Variants in PRDM2 observed in about 807,000 individuals in gnomAD.
PRDM2 encodes PR/SET domain 2, also known as PR domain zinc finger protein 2.
Under a neutral mutation model 130.0 loss-of-function variants are expected in PRDM2, and 30 were observed. The ratio of observed to expected loss-of-function variants is 0.23; its 90% CI spans 0.17 to 0.31. The LOEUF (loss-of-function observed/expected upper bound fraction) is 0.31. Among genes scored for constraint, PRDM2 ranks in the 10% least tolerant of loss-of-function variants. PRDM2 has a pLI of 1.00. For synonymous variants in PRDM2, 871 were observed against 782.4 expected (o/e 1.11, Z -1.89); for missense variants, 2,011 against 2,108.4 (o/e 0.95, Z 0.90).
At chr1:13,755,718 T>TA (rs1643933811) in intron 6 of PRDM2, among the ~76,000 whole-genome samples, 1 of 152,196 alleles carries the variant, frequency 6.6e-6, no homozygotes, top group South Asian at 2.1e-4. Context: ...AGATAGCTGT[T>TA]ACGACATTCA....
Position 13,803,957 on chromosome 1 carries a change from C to A in PRDM2, c.5037-12470C>A, listed in dbSNP as rs1041809208. On this transcript the variant is annotated intron_variant, in intron 8 of 9. Coordinates refer to ENST00000311066, the MANE Select transcript of PRDM2 (RefSeq NM_001393986.1). The surrounding 1 kb of genome is among the most constrained non-coding windows in gnomAD (Gnocchi z 6.2). ...TCAGCAGTGGGCCCATGGCCTCCCTCAGGGCTGATGAGATGGAAGAAAAAT... is the reference window on the plus strand; with the variant it reads ...TCAGCAGTGGGCCCATGGCCTCCCTAAGGGCTGATGAGATGGAAGAAAAAT... Among the ~76,000 whole-genome samples the A allele has an allele frequency of 6.6e-6, 1 of 152,252 alleles. No individual in the cohort carries two copies. Among genetic ancestry groups the A allele is most frequent in the Admixed American group, 6.5e-5 (1 of 15,294 alleles).
In PRDM2 at chr1:13,825,025, C is replaced by G. The variant is rs1176727602; in HGVS notation, c.*1890C>G. The G allele has an allele frequency of 6.6e-6, 1 of 152,646 alleles. No homozygotes were observed. The highest frequency in any genetic ancestry group is 1.5e-5 in the Non-Finnish European group (1 of 68,052). The allele number at this position is 152,646 out of a possible 1,614,324, so 9.5% of individuals were successfully genotyped here. ...GGTCTTCAAGACGACAGCTCTGTAT[C>G]TGCCATGTGAAGAGAATTAACAATA... On this transcript the variant is annotated 3_prime_UTR_variant, in exon 10 of 10. Transcript: ENST00000311066. The surrounding 1 kb of genome is among the most constrained non-coding windows in gnomAD (Gnocchi z 4.9).
At chr1:13,777,527 A>C (rs1644502212) in intron 7 of PRDM2, among the ~76,000 whole-genome samples, 7 of 138,752 alleles carry the variant, frequency 5.0e-5, no homozygotes, top group Non-Finnish European at 9.4e-5. Context: ...CAGCTTCCCC[A>C]CCTCACCTCA....
chr1:13,763,048 T>G (rs1335288023), intron 6 of PRDM2, among the ~76,000 whole-genome samples: 1 of 152,228 alleles, frequency 6.6e-6, no homozygotes, highest in African/African-American at 2.4e-5. Flanking sequence ...CTTGTTTTTA[T>G]AAACCTCTGC....
intron 6 of PRDM2, among the ~76,000 whole-genome samples, chr1:13,758,457 A>AG (rs1242581936): frequency 6.6e-6 from 1 of 151,916 alleles, no homozygotes; most frequent in East Asian, 1.9e-4. Context: ...AAAAAAAAAA[A>AG]AAAAAAAAGT....
rs954293105 is a variant in PRDM2, at chr1:13,803,192, C to G, written c.5037-13235C>G. Reference sequence around the variant, plus strand: ...TCCCCTGGTTTGGGCGGGACCTTGGCAATGAGAGAAACCGTATAGGAAGCC... The same window carrying G: ...TCCCCTGGTTTGGGCGGGACCTTGGGAATGAGAGAAACCGTATAGGAAGCC... On this transcript the variant is annotated intron_variant, in intron 8 of 9. Transcript: ENST00000311066. This position sits in a 1 kb window ranked among gnomAD's most constrained non-coding sequence, Gnocchi z 6.2. 6.6e-6 allele frequency among the ~76,000 whole-genome samples: 1 copy of G among 152,182 alleles called. No individual in the cohort carries two copies. The highest frequency in any genetic ancestry group is 1.5e-5 in the Non-Finnish European group (1 of 68,040).
intron 1 of PRDM2, among the ~76,000 whole-genome samples, chr1:13,715,055 T>C (rs903244777): frequency 6.6e-5 from 10 of 152,230 alleles, no homozygotes; most frequent in African/African-American, 2.4e-4. Context: ...AGTTTTTTGT[T>C]CTTTTCCTCA....
intron 4 of PRDM2, among the ~76,000 whole-genome samples, 184 bp downstream of exon 4, chr1:13,733,066 A>G (rs1239768061): frequency 6.6e-6 from 1 of 152,174 alleles, no homozygotes; most frequent in East Asian, 1.9e-4. Context: ...ATGCTTTTGT[A>G]TTTTGAAACT....
At position 13,707,785 on chromosome 1, in the gene PRDM2, A is replaced by T. The variant is rs146517755; in HGVS notation, c.-66+7485A>T. Among the ~76,000 whole-genome samples the T allele has an allele frequency of 6.5e-4, 99 of 151,172 alleles. 1 individual carries two copies. Among genetic ancestry groups the T allele is most frequent in the African/African-American group, 2.2e-3 (90 of 41,240 alleles). ...TTTAATTCAAGAGTCCTTTGATTGG[A>T]TGGAGTTACTTCATGCAGGAAAATT... On this transcript the variant is annotated intron_variant, in intron 1 of 9. Coordinates refer to ENST00000311066, the MANE Select transcript of PRDM2 (RefSeq NM_001393986.1).
intron 5 of PRDM2, 25 bp downstream of exon 5, chr1:13,742,182 TGTTA>T: frequency 1.2e-6 from 2 of 1,602,132 alleles, no homozygotes; most frequent in Non-Finnish European, 1.7e-6. Context: ...ATTAATTTAC[TGTTA>T]GTTACGCTGC....
chr1:13,790,528 C>T (rs1354820349), intron 8 of PRDM2, among the ~76,000 whole-genome samples: 1 of 152,092 alleles, frequency 6.6e-6, no homozygotes, highest in East Asian at 1.9e-4. Context: ...TGGGCCTTGC[C>T]CTTCTGGTGG....
At chr1:13,700,500 G>A (rs1642037582) in intron 1 of PRDM2, among the ~76,000 whole-genome samples, 200 bp downstream of exon 1, 1 of 150,444 alleles carries the variant, frequency 6.6e-6, no homozygotes, top group Admixed American at 6.6e-5. Context: ...CCGGGTCGGT[G>A]GCCCCGCGGG....
intron 8 of PRDM2, among the ~76,000 whole-genome samples, chr1:13,789,305 G>A (rs2100700491): frequency 6.6e-6 from 1 of 152,274 alleles, no homozygotes; most frequent in East Asian, 1.9e-4. Context: ...TGGCTGTCTT[G>A]TCCTCGTTGT....
intron 8 of PRDM2, 103 bp from the exon 9 acceptor site, chr1:13,816,324 G>T: frequency 1.4e-6 from 2 of 1,441,204 alleles, no homozygotes. Context: ...ATCCTATCCT[G>T]GCCTGGGAAG....
intron 5 of PRDM2, among the ~76,000 whole-genome samples, chr1:13,743,625 T>C (rs969889032): frequency 6.6e-6 from 1 of 152,188 alleles, no homozygotes. Flanking sequence ...TGAACACTTT[T>C]GATGAGCACA....
chr1:13,823,256 A>AG lies in PRDM2; in HGVS notation c.*124dup. 6.5e-7 allele frequency: 1 copy of AG among 1,544,054 alleles called. No individual in the cohort carries two copies. The highest frequency in any genetic ancestry group is 8.9e-7 in the Non-Finnish European group (1 of 1,119,504). On this transcript the variant is annotated 3_prime_UTR_variant, in exon 10 of 10. Coordinates refer to ENST00000311066, the MANE Select transcript of PRDM2 (RefSeq NM_001393986.1). Reference sequence around the variant, plus strand: ...CCAGTTGTGTGAGGCTGCGAGAGAAAGGGAGTGCATGTGCGCGCGTGCATG... The same window carrying AG: ...CCAGTTGTGTGAGGCTGCGAGAGAAAGGGGAGTGCATGTGCGCGCGTGCATG...
intron 6 of PRDM2, 30 bp from the exon 7 acceptor site, chr1:13,773,048 A>C: frequency 8.0e-7 from 1 of 1,246,956 alleles, no homozygotes; most frequent in Non-Finnish European, 1.1e-6. Context: ...AAAAAAATGA[A>C]TGAATAAATT....
intron 7 of PRDM2, among the ~76,000 whole-genome samples, chr1:13,777,241 C>T (rs924770749): frequency 1.3e-5 from 2 of 152,084 alleles, no homozygotes; most frequent in African/African-American, 4.8e-5. Flanking sequence ...TGTAGTCCCG[C>T]CCTGCTGCCA....
At chr1:13,769,026 C>T (rs1459890721) in intron 6 of PRDM2, 1 of 591,246 alleles carries the variant, frequency 1.7e-6, no homozygotes, top group Non-Finnish European at 2.1e-6. Flanking sequence ...ATTTCTTTTC[C>T]TCATGCACAT....
Sources: allele counts gnomAD v4.1 joint callset (sites outside exome capture counted in the v4.1 genomes callset), GRCh38; gene constraint gnomAD v4.1.1; non-coding constraint Gnocchi (gnomAD v3.1); transcripts MANE v1.5; gene names NCBI Gene and HGNC (gene_info 2026-07-23, HGNC 2026-07-21).